SAMMSON: variants seen among roughly 807,000 people sequenced by gnomAD.
SAMMSON encodes the protein survival associated mitochondrial melanoma specific oncogenic non-coding RNA.
chr3:70,397,616 A>G (rs9825161), intron 2 of SAMMSON, among the ~76,000 whole-genome samples: 118,271 of 152,132 alleles, frequency 0.78, 46,107 homozygotes, highest in East Asian at 0.86. Context: ...CAATATGTGT[A>G]TATATAAGTG....
intron 4 of SAMMSON, among the ~76,000 whole-genome samples, chr3:70,151,609 G>C (rs1162530238): frequency 1.3e-5 from 2 of 151,932 alleles, no homozygotes; most frequent in African/African-American, 4.8e-5. Flanking sequence ...GGAAAATAAA[G>C]AAATGTTAAA....
chr3:70,098,224 G>A (rs2067329710), intron 4 of SAMMSON, among the ~76,000 whole-genome samples: 1 of 152,146 alleles, frequency 6.6e-6, no homozygotes, highest in Non-Finnish European at 1.5e-5. Flanking sequence ...AAACCTTCTT[G>A]GGAAATGTAG....
At chr3:70,030,245 A>T (rs939253955) in intron 3 of SAMMSON, 5 of 152,182 alleles carry the variant, frequency 3.3e-5, no homozygotes, top group Non-Finnish European at 7.4e-5. Context: ...TTATTGCCCT[A>T]TTCAGATTTT....
intron 4 of SAMMSON, among the ~76,000 whole-genome samples, chr3:70,150,600 A>G (rs1197016757): frequency 2.0e-5 from 3 of 152,056 alleles, no homozygotes; most frequent in Non-Finnish European, 4.4e-5. Context: ...GAAATAGATT[A>G]GCAGGATTCA....
intron 1 of SAMMSON, among the ~76,000 whole-genome samples, chr3:70,001,684 C>T (rs1172123479): frequency 6.6e-6 from 1 of 152,088 alleles, no homozygotes; most frequent in Non-Finnish European, 1.5e-5. Context: ...TTTGCATACT[C>T]CTTGTGGGAT....
intron 4 of SAMMSON, among the ~76,000 whole-genome samples, chr3:70,234,510 A>T (rs1170127982): frequency 7.9e-5 from 12 of 152,030 alleles, no homozygotes; most frequent in Admixed American, 6.6e-4. Flanking sequence ...TCAGCCAGGC[A>T]TGGTGGCATG....
At chr3:70,021,892 T>A (rs1264961043) in intron 3 of SAMMSON, among the ~76,000 whole-genome samples, 1 of 152,102 alleles carries the variant, frequency 6.6e-6, no homozygotes, top group Non-Finnish European at 1.5e-5. Flanking sequence ...CATTTCTTTT[T>A]TAATAATTAT....
At chr3:70,223,697 C>A (rs1028916178) in intron 4 of SAMMSON, among the ~76,000 whole-genome samples, 4 of 152,120 alleles carry the variant, frequency 2.6e-5, no homozygotes, top group African/African-American at 9.7e-5. Flanking sequence ...CAAGTTATTT[C>A]CCAGTTTTAA....
In SAMMSON at chr3:70,233,476, C is replaced by T. The variant is rs1006735721; in HGVS notation, n.508-15631C>T. 2.6e-5 allele frequency among the ~76,000 whole-genome samples: 4 copies of T among 152,260 alleles called. No individual in the cohort carries two copies. In the South Asian group the frequency reaches 6.2e-4, roughly 24 times the overall value. On this transcript the variant is annotated intron_variant and non_coding_transcript_variant, in intron 4 of 9. Coordinates refer to ENST00000642114, the Ensembl canonical transcript of SAMMSON. Reference sequence around the variant, plus strand: ...CCTTTTCGTTGTTTGCTGTTTAAAACCTTTTTATAGATTTAAGATATATTA... The same window carrying T: ...CCTTTTCGTTGTTTGCTGTTTAAAATCTTTTTATAGATTTAAGATATATTA...
At chr3:70,400,162 G>T (rs2106762424) in intron 2 of SAMMSON, among the ~76,000 whole-genome samples, 1 of 152,144 alleles carries the variant, frequency 6.6e-6, no homozygotes, top group South Asian at 2.1e-4. Context: ...CAAGAAAAAG[G>T]GGACCAATCA....
chr3:70,336,814 T>TGTGTG (rs1408587252), intron 7 of SAMMSON, among the ~76,000 whole-genome samples: 1 of 126,658 alleles, frequency 7.9e-6, no homozygotes, highest in African/African-American at 3.0e-5. Flanking sequence ...AATAGAAAGT[T>TGTGTG]TGTGTGTGTG....
chr3:70,240,338 T>C (rs1229894529), intron 4 of SAMMSON, among the ~76,000 whole-genome samples: 1 of 148,800 alleles, frequency 6.7e-6, no homozygotes, highest in Non-Finnish European at 1.5e-5. Context: ...ACCAATTACT[T>C]TTTTTTTTTA....
At chr3:70,404,040 T>A (rs979041023) in intron 2 of SAMMSON, among the ~76,000 whole-genome samples, 1 of 152,196 alleles carries the variant, frequency 6.6e-6, no homozygotes, top group Non-Finnish European at 1.5e-5. Flanking sequence ...TTCAAAATAC[T>A]GATTATATGG....
At chr3:70,098,762 T>G (rs755926952) in intron 4 of SAMMSON, among the ~76,000 whole-genome samples, 10 of 152,172 alleles carry the variant, frequency 6.6e-5, no homozygotes, top group Non-Finnish European at 1.5e-4. Context: ...TCACCCTGCT[T>G]AAGAAAAAAT....
chr3:70,250,433 A>C (rs1701751478), intron 6 of SAMMSON, among the ~76,000 whole-genome samples: 2 of 151,734 alleles, frequency 1.3e-5, no homozygotes, highest in African/African-American at 4.8e-5. Flanking sequence ...ACACACACAC[A>C]CACACACACA....
intron 3 of SAMMSON, among the ~76,000 whole-genome samples, chr3:70,060,801 A>G (rs898407619): frequency 6.6e-6 from 1 of 152,096 alleles, no homozygotes; most frequent in Non-Finnish European, 1.5e-5. Context: ...GAGTTTGGGA[A>G]TCTGAGCAGT....
In SAMMSON at chr3:70,337,108, AATATTC is replaced by A. The variant is rs1371484525; in HGVS notation, n.740-17066_740-17061del. The stretch of plus-strand genomic sequence containing the variant: ...TCTTATTAATAATAATATCTAACTT[AATATTC>A]TTATTAATAATAATATCTAACTTAA... On this transcript the variant is annotated intron_variant and non_coding_transcript_variant, in intron 7 of 9. Transcript: ENST00000642114. Among the ~76,000 whole-genome samples the A allele has an allele frequency of 2.5e-4, 10 of 40,650 alleles. No individual in the cohort carries two copies. In the Admixed American group the frequency reaches 3.0e-3, roughly 12 times the overall value. The allele number at this position is 40,650 out of a possible 152,430, so 26.7% of individuals were successfully genotyped here.
intron 9 of SAMMSON, among the ~76,000 whole-genome samples, chr3:70,378,827 C>T (rs1328945173): frequency 6.6e-6 from 1 of 151,888 alleles, no homozygotes; most frequent in Admixed American, 6.6e-5. Flanking sequence ...AAATAACCCA[C>T]TTGTAGATTC....
intron 4 of SAMMSON, among the ~76,000 whole-genome samples, chr3:70,134,280 T>C: frequency 6.6e-6 from 1 of 150,540 alleles, no homozygotes; most frequent in Non-Finnish European, 1.5e-5. Context: ...AAATATTAAA[T>C]GAAATGATGT....
Sources: allele counts gnomAD v4.1 joint callset (sites outside exome capture counted in the v4.1 genomes callset), GRCh38; gene constraint gnomAD v4.1.1; transcripts MANE v1.5; gene names NCBI Gene and HGNC (gene_info 2026-07-23, HGNC 2026-07-21).